Variants in JMY observed in about 807,000 individuals in gnomAD.
JMY encodes junction-mediating and -regulatory protein.
A neutral mutation model predicts 103.3 loss-of-function variants in JMY; 46 were observed. The observed-to-expected ratio is 0.45, with a 90% confidence interval of 0.35 to 0.57. JMY has a LOEUF of 0.57. Among genes scored for constraint, JMY ranks in the 20% least tolerant of loss-of-function variants. The pLI, the probability that JMY is intolerant of heterozygous loss-of-function variation, is 0.00. For synonymous variants in JMY, 526 were observed against 489.3 expected (o/e 1.07, Z -0.99); for missense variants, 1,238 against 1,255.2 (o/e 0.99, Z 0.21).
At chr5:79,318,071 G>C (rs542181900) in intron 10 of JMY, among the ~76,000 whole-genome samples, 6 of 152,084 alleles carry the variant, frequency 3.9e-5, no homozygotes, top group Non-Finnish European at 8.8e-5. Context: ...ACATGATCTC[G>C]GCTCGCTGCA....
At chr5:79,249,155 A>G (rs1745001369) in intron 1 of JMY, among the ~76,000 whole-genome samples, 1 of 151,968 alleles carries the variant, frequency 6.6e-6, no homozygotes, top group Non-Finnish European at 1.5e-5. Context: ...ATGAAGGACT[A>G]AGAAAAACGG....
chr5:79,265,316 T>C (rs1312079633), intron 1 of JMY, among the ~76,000 whole-genome samples: 2 of 152,238 alleles, frequency 1.3e-5, no homozygotes, highest in African/African-American at 4.8e-5. Flanking sequence ...TCAGAGATAC[T>C]TGCCTCACTA....
chr5:79,278,159 A>G, intron 2 of JMY, 76 bp downstream of exon 2: 1 of 1,034,976 alleles, frequency 9.7e-7, no homozygotes, highest in Non-Finnish European at 1.3e-6. Context: ...CGTTATCCAC[A>G]AGAGGAACTT....
At chr5:79,291,431 T>C (rs1469319628) in intron 4 of JMY, 132 bp downstream of exon 4, 6 of 680,652 alleles carry the variant, frequency 8.8e-6, no homozygotes, top group Non-Finnish European at 1.2e-5. Flanking sequence ...ACACTTAGAA[T>C]AGGTCCTGTG....
intron 1 of JMY, among the ~76,000 whole-genome samples, chr5:79,242,739 T>C (rs909311268): frequency 2.0e-5 from 3 of 152,026 alleles, no homozygotes; most frequent in South Asian, 2.1e-4. Context: ...CTCTTGAGAA[T>C]TGGGGAGTGG....
At chr5:79,275,368 A>G (rs1348641464) in intron 1 of JMY, among the ~76,000 whole-genome samples, 3 of 151,906 alleles carry the variant, frequency 2.0e-5, no homozygotes, top group African/African-American at 7.3e-5. Context: ...TCACCATGTT[A>G]GCCAGGATGT....
Position 79,236,909 on chromosome 5 carries a change from A to C in JMY, c.259A>C (p.Arg87=), listed in dbSNP as rs2112035016. 7.4e-7 allele frequency: 1 copy of C among 1,356,490 alleles called. No homozygotes were observed. The highest frequency in any genetic ancestry group is 2.0e-5 in the South Asian group (1 of 48,936). The allele number at this position is 1,356,490 out of a possible 1,614,324, so 84.0% of individuals were successfully genotyped here. ...CCGCGGGCCCGGCAGCCCGGCGGGCAGGGGTCGGCCCGAGGCCACTGCCTC... is the reference window on the plus strand; with the variant it reads ...CCGCGGGCCCGGCAGCCCGGCGGGCCGGGGTCGGCCCGAGGCCACTGCCTC... ...GSRGPGSPAG[R]GRPEATASAT... Residue 87 remains arginine (R), a synonymous_variant, in exon 1 of 11, where the codon AGG becomes CGG. Transcript: ENST00000396137.
In JMY at chr5:79,236,593, G is replaced by C. The variant is rs1744506904; in HGVS notation, c.-58G>C. 6.3e-6 allele frequency: 8 copies of C among 1,264,950 alleles called. No individual in the cohort carries two copies. Among genetic ancestry groups the C allele is most frequent in the Non-Finnish European group, 8.1e-6 (8 of 985,868 alleles). 78.4% of individuals were successfully genotyped at this position (1,264,950 alleles called of 1,614,324 possible). A position where few individuals can be genotyped will look rare whatever the true frequency, so the allele number is the denominator to read the frequency against. The stretch of plus-strand genomic sequence containing the variant: ...CGGGGGGCGCGGCGCAGCCAGCGGG[G>C]AGTCCTCGGGCGGGCCGGGCCGGCG... On this transcript the variant is annotated 5_prime_UTR_variant, in exon 1 of 11. Transcript: ENST00000396137.
In JMY at chr5:79,237,549, G is replaced by A. The variant is rs1180647124; in HGVS notation, c.899G>A (p.Cys300Tyr). 6.2e-7 allele frequency: 1 copy of A among 1,613,682 alleles called. No homozygotes were observed. The highest frequency in any genetic ancestry group is 8.5e-7 in the Non-Finnish European group (1 of 1,180,020). Reference sequence around the variant, plus strand: ...TACCTGGGCCACGGCCTGGACACCTGCGGCTGGAAGATCCTCTCCCAGGTG... The same window carrying A: ...TACCTGGGCCACGGCCTGGACACCTACGGCTGGAAGATCCTCTCCCAGGTG... ...QVYLGHGLDT[C>Y]GWKILSQVLF... Residue 300 changes from cysteine (C) to tyrosine (Y), a missense_variant, in exon 1 of 11, where the codon TGC becomes TAC. Cys to Tyr is a radical substitution (Grantham distance 194). Transcript: ENST00000396137.
intron 10 of JMY, among the ~76,000 whole-genome samples, chr5:79,317,088 T>C (rs1344665505): frequency 6.6e-6 from 1 of 151,924 alleles, no homozygotes; most frequent in Non-Finnish European, 1.5e-5. Flanking sequence ...CAAAGCCTTT[T>C]CTGACAAAGT....
At chr5:79,242,673 G>A (rs530131424) in intron 1 of JMY, among the ~76,000 whole-genome samples, 201 of 152,192 alleles carry the variant, frequency 1.3e-3, no homozygotes, top group African/African-American at 4.1e-3. Context: ...GCCTGTTGGG[G>A]TTCTTAATCC....
At chr5:79,303,566 G>T (rs1424927042) in intron 6 of JMY, among the ~76,000 whole-genome samples, 1 of 152,224 alleles carries the variant, frequency 6.6e-6, no homozygotes, top group Non-Finnish European at 1.5e-5. Context: ...AGACTGAGCT[G>T]CTGTGATGTA....
At chr5:79,286,393 C>T (rs943355457) in intron 2 of JMY, among the ~76,000 whole-genome samples, 10 of 152,166 alleles carry the variant, frequency 6.6e-5, no homozygotes, top group Non-Finnish European at 4.4e-5. Flanking sequence ...GTAATCCCAG[C>T]ACTTCGAGAG....
chr5:79,262,443 A>AT (rs943477481), intron 1 of JMY, among the ~76,000 whole-genome samples: 44 of 152,354 alleles, frequency 2.9e-4, no homozygotes, highest in African/African-American at 1.0e-3. Flanking sequence ...ATTAAGTTTT[A>AT]TAATTATATC....
At chr5:79,246,283 TC>T (rs1474545313) in intron 1 of JMY, among the ~76,000 whole-genome samples, 6 of 152,210 alleles carry the variant, frequency 3.9e-5, no homozygotes, top group Non-Finnish European at 7.3e-5. Context: ...TAGATGAGTT[TC>T]TATCCACACC....
chr5:79,321,257 A>G (rs1020959267), intron 10 of JMY, among the ~76,000 whole-genome samples: 11 of 152,176 alleles, frequency 7.2e-5, no homozygotes, highest in African/African-American at 2.2e-4. Context: ...CTGTCCTCTA[A>G]ATGTTAGTCT....
intron 1 of JMY, among the ~76,000 whole-genome samples, chr5:79,270,682 T>TTACATAA (rs1230223516): frequency 1.4e-5 from 2 of 145,122 alleles, no homozygotes; most frequent in Admixed American, 7.2e-5. Context: ...AAAATATATT[T>TTACATAA]ATATTAATAT....
At chr5:79,240,379 C>A (rs1303324329) in intron 1 of JMY, among the ~76,000 whole-genome samples, 1 of 149,936 alleles carries the variant, frequency 6.7e-6, no homozygotes, top group Non-Finnish European at 1.5e-5. Flanking sequence ...GGTGCAATCT[C>A]AGCTCACTGC....
Position 79,291,200 on chromosome 5 carries a change from G to A in JMY, c.1428G>A (p.Arg476=), listed in dbSNP as rs1314739858. The A allele has an allele frequency of 6.2e-7, 1 of 1,613,562 alleles. No individual in the cohort carries two copies. Among genetic ancestry groups the A allele is most frequent in the Non-Finnish European group, 8.5e-7 (1 of 1,179,770 alleles). Residue 476 remains arginine (R), a synonymous_variant, in exon 4 of 11, where the codon CGG becomes CGA. Coordinates refer to ENST00000396137, the MANE Select transcript of JMY (RefSeq NM_152405.5). The part of the protein sequence containing the change: ...GKASWAAAAE[R]MEKLQYAVSK... ...CATCATGGGCAGCGGCTGCTGAACG[G>A]ATGGAAAAACTCCAGTATGCAGTTT...
Sources: gnomAD v4.1 joint callset for allele counts (sites outside exome capture counted in the v4.1 genomes callset) on GRCh38, gnomAD v4.1.1 for gene constraint, MANE v1.5 for transcripts, NCBI Gene and HGNC (gene_info 2026-07-23, HGNC 2026-07-21) for gene names.